Variants in NGFR observed in about 807,000 individuals in gnomAD.
The protein encoded by NGFR is nerve growth factor receptor, also known as tumor necrosis factor receptor superfamily member 16.
NGFR carries 30 observed loss-of-function variants against 43.2 expected under a neutral mutation model. The ratio of observed to expected loss-of-function variants is 0.69; its 90% confidence interval spans 0.52 to 0.94. The LOEUF (loss-of-function observed/expected upper bound fraction) is 0.94, where lower values mean the gene tolerates loss of function less well. Ranked by LOEUF, NGFR falls within the 40% of genes least tolerant of loss-of-function variation. The probability of loss-of-function intolerance (pLI) is 0.00; values close to 1 mark genes in which losing one functional copy is unlikely to be tolerated. For missense variants in NGFR, 529 were observed against 602.5 expected, an observed-to-expected ratio of 0.88 and a Z score of 1.28; for synonymous variants, 246 against 259.6, an observed-to-expected ratio of 0.95 and a Z score of 0.50.
In NGFR at chr17:49,513,087, C is replaced by A; in HGVS notation, c.*78C>A. 1 of 1,410,450 alleles carries A rather than the reference C, an allele frequency of 7.1e-7. No homozygotes were observed. Among genetic ancestry groups the A allele is most frequent in the South Asian group, 1.5e-5 (1 of 68,000 alleles). The allele number at this position is 1,410,450 out of a possible 1,614,324, so 87.4% of individuals were successfully genotyped here. A position where few individuals can be genotyped will look rare whatever the true frequency, so the allele number is the denominator to read the frequency against. On this transcript the variant is annotated 3_prime_UTR_variant, in exon 6 of 6. Coordinates refer to ENST00000172229, the MANE Select transcript of NGFR (RefSeq NM_002507.4). Reference sequence around the variant, plus strand: ...GCCAACCCCTGTGGAGCCCGCACCCCCACCCTTTGGGGGGGGCCCGCCTGG... The same window carrying A: ...GCCAACCCCTGTGGAGCCCGCACCCACACCCTTTGGGGGGGGCCCGCCTGG...
At chr17:49,509,937 G>C (rs1026989898) in intron 3 of NGFR, among the ~76,000 whole-genome samples, 1 of 152,142 alleles carries the variant, frequency 6.6e-6, no homozygotes, top group African/African-American at 2.4e-5. Flanking sequence ...GGAGTGACTA[G>C]GGTCATCAAG....
chr17:49,504,798 G>A (rs1264055576), intron 2 of NGFR, among the ~76,000 whole-genome samples: 4 of 112,184 alleles, frequency 3.6e-5, no homozygotes, highest in Admixed American at 1.3e-4. Context: ...TTTTGACAGC[G>A]TCTCACTCTG....
chr17:49,499,656 C>T lies in NGFR; in HGVS notation c.67-2407C>T, dbSNP rs1388451823. Among the ~76,000 whole-genome samples, 3 of 152,258 alleles carry T rather than the reference C, an allele frequency of 2.0e-5. No individual in the cohort carries two copies. In the East Asian group the frequency reaches 5.8e-4, roughly 29 times the overall value. On this transcript the variant is annotated intron_variant, in intron 1 of 5. Coordinates refer to ENST00000172229, the MANE Select transcript of NGFR (RefSeq NM_002507.4). ...AGGCTGGAGTGCAGTGGCACGATCT[C>T]GACTCACTGCAACCTCTGCCTCCTG...
intron 1 of NGFR, chr17:49,497,927 G>A (rs1012013199): frequency 6.6e-6 from 1 of 152,336 alleles, no homozygotes; most frequent in East Asian, 1.9e-4. Flanking sequence ...CTTCCCTGGG[G>A]GACCGCGTGG....
rs746705064 is a variant in NGFR at position 49,513,037 on chromosome 17, C to G, written c.*28C>G. On this transcript the variant is annotated 3_prime_UTR_variant, in exon 6 of 6. Transcript: ENST00000172229. ...CCAACCGGGGAGCCCCCGCCCCGCC[C>G]CACATTCCGACAACCGATGCTCCAG... 3 of 1,483,072 alleles carry G rather than the reference C, an allele frequency of 2.0e-6. No individual in the cohort carries two copies. Among genetic ancestry groups the G allele is most frequent in the South Asian group, 2.7e-5 (2 of 74,816 alleles). 91.9% of individuals were successfully genotyped at this position (1,483,072 alleles called of 1,614,324 possible).
intron 3 of NGFR, 41 bp downstream of exon 3, chr17:49,506,699 G>GGGCCC: frequency 2.5e-6 from 1 of 402,094 alleles, no homozygotes; most frequent in Non-Finnish European, 4.3e-6. Flanking sequence ...GGGGTGCGGG[G>GGGCCC]GTGGGCTGGG....
At chr17:49,505,204 C>A (rs1172051245) in intron 2 of NGFR, among the ~76,000 whole-genome samples, 1 of 149,686 alleles carries the variant, frequency 6.7e-6, no homozygotes, top group African/African-American at 2.6e-5. Flanking sequence ...AATGTTGAGA[C>A]CCCCCTACAG....
chr17:49,495,340 G>A lies in NGFR; in HGVS notation c.-78G>A. ...GCTCCGGCGGGCAGGGGGGGCGCTGGAGCGCAGCGCAGCGCAGCCCCATCA... is the reference window on the plus strand; with the variant it reads ...GCTCCGGCGGGCAGGGGGGGCGCTGAAGCGCAGCGCAGCGCAGCCCCATCA... On this transcript the variant is annotated 5_prime_UTR_variant, in exon 1 of 6. Transcript: ENST00000172229. This position sits in a 1 kb window ranked among gnomAD's most constrained non-coding sequence, Gnocchi z 6.4. The A allele has an allele frequency of 1.8e-6, 2 of 1,110,128 alleles. No individual in the cohort carries two copies. Among genetic ancestry groups the A allele is most frequent in the Non-Finnish European group, 2.3e-6 (2 of 877,528 alleles). 68.8% of individuals were successfully genotyped at this position (1,110,128 alleles called of 1,614,324 possible). A position where few individuals can be genotyped will look rare whatever the true frequency, so the allele number is the denominator to read the frequency against.
At chr17:49,502,823 C>CCTTCCTTT (rs386386221) in intron 2 of NGFR, among the ~76,000 whole-genome samples, 4 of 117,740 alleles carry the variant, frequency 3.4e-5, no homozygotes, top group African/African-American at 1.3e-4. Context: ...TTTCTTCCTT[C>CCTTCCTTT]CTTCCTTCCT....
chr17:49,511,840 CG>C, intron 4 of NGFR, 51 bp from the exon 5 acceptor site: 5 of 1,486,632 alleles, frequency 3.4e-6, no homozygotes, highest in Non-Finnish European at 4.5e-6. Flanking sequence ...TCAGCTGCAT[CG>C]GCCACTACAG....
At chr17:49,506,043 G>T in intron 2 of NGFR, 2 of 579,084 alleles carry the variant, frequency 3.5e-6, no homozygotes, top group Non-Finnish European at 5.6e-6. Context: ...GGGTTATGCC[G>T]GAAAGCCTCC....
chr17:49,511,765 T>C, intron 4 of NGFR, 127 bp from the exon 5 acceptor site: 1 of 1,113,976 alleles, frequency 9.0e-7, no homozygotes, highest in South Asian at 1.8e-5. Flanking sequence ...CCTTAGATGG[T>C]GGGGTGGCGG....
At chr17:49,501,237 G>T (rs1341588405) in intron 1 of NGFR, among the ~76,000 whole-genome samples, 1 of 152,208 alleles carries the variant, frequency 6.6e-6, no homozygotes, top group Non-Finnish European at 1.5e-5. Context: ...ACATGGGGGA[G>T]GGGGAGGACT....
At position 49,495,660 on chromosome 17, in the gene NGFR, G is replaced by A; in HGVS notation, c.66+177G>A. 1.9e-6 allele frequency: 1 copy of A among 528,418 alleles called. No individual in the cohort carries two copies. Among genetic ancestry groups the A allele is most frequent in the Non-Finnish European group, 2.9e-6 (1 of 344,670 alleles). The allele number at this position is 528,418 out of a possible 1,614,324, so 32.7% of individuals were successfully genotyped here. ...AAGGAGGGTCTAGGGTTCCCGGAGC[G>A]CAGAGGCGACTCTCCAGGGTGGAGA... On this transcript the variant is annotated intron_variant, in intron 1 of 5. Transcript: ENST00000172229. This position sits in a 1 kb window ranked among gnomAD's most constrained non-coding sequence, Gnocchi z 6.4.
In NGFR at chr17:49,495,577, T is replaced by TG. The variant is rs2071133748; in HGVS notation, c.66+98dup. ...CCACCAAGGAAACAGAACAGAGCAT[T>TG]GGGGTCCCAGATACTGAGGGTGGGT... On this transcript the variant is annotated intron_variant, in intron 1 of 5. Transcript: ENST00000172229. This position sits in a 1 kb window ranked among gnomAD's most constrained non-coding sequence, Gnocchi z 6.4. 4.7e-6 allele frequency: 5 copies of TG among 1,055,540 alleles called. No homozygotes were observed. Among genetic ancestry groups the TG allele is most frequent in the Non-Finnish European group, 6.1e-6 (5 of 824,822 alleles). 65.4% of individuals were successfully genotyped at this position (1,055,540 alleles called of 1,614,324 possible).
At chr17:49,502,855 C>G (rs1264812147) in intron 2 of NGFR, among the ~76,000 whole-genome samples, 1 of 142,022 alleles carries the variant, frequency 7.0e-6, no homozygotes, top group Non-Finnish European at 1.6e-5. Flanking sequence ...TTCCTTCCTT[C>G]CTTCCTTCCT....
At chr17:49,500,312 G>A (rs1330484556) in intron 1 of NGFR, among the ~76,000 whole-genome samples, 1 of 152,212 alleles carries the variant, frequency 6.6e-6, no homozygotes, top group East Asian at 1.9e-4. Flanking sequence ...CTCTCCCAGA[G>A]TTCTGGTTAA....
Position 49,513,152 on chromosome 17 carries a change from C to A in NGFR, c.*143C>A, listed in dbSNP as rs2071246542. 3.5e-6 allele frequency: 3 copies of A among 863,084 alleles called. No homozygotes were observed. Among genetic ancestry groups the A allele is most frequent in the Non-Finnish European group, 5.2e-6 (3 of 580,870 alleles). The allele number at this position is 863,084 out of a possible 1,614,324, so 53.5% of individuals were successfully genotyped here. A position where few individuals can be genotyped will look rare whatever the true frequency, so the allele number is the denominator to read the frequency against. ...TCTGGGCAGGACCTCAGAGTCCAGG[C>A]CCCAAAACCACAGCCCTGTCAGTGC... is the stretch of plus-strand genomic sequence containing the variant. On this transcript the variant is annotated 3_prime_UTR_variant, in exon 6 of 6. Transcript: ENST00000172229.
chr17:49,499,886 C>T (rs1006317755), intron 1 of NGFR, among the ~76,000 whole-genome samples: 2 of 152,176 alleles, frequency 1.3e-5, no homozygotes, highest in Non-Finnish European at 2.9e-5. Context: ...CACGCCCGGC[C>T]GGCACATGCC....
Sources: gnomAD v4.1 joint callset for allele counts (sites outside exome capture counted in the v4.1 genomes callset) on GRCh38, gnomAD v4.1.1 for gene constraint, Gnocchi (gnomAD v3.1) non-coding constraint, MANE v1.5 for transcripts, NCBI Gene and HGNC (gene_info 2026-07-23, HGNC 2026-07-21) for gene names.